DTNA: variants seen among roughly 807,000 people sequenced by gnomAD.
The protein encoded by DTNA is dystrophin-related protein 3.
Under a neutral mutation model 100.7 loss-of-function variants are expected in DTNA, and 43 were observed. The observed-to-expected ratio is 0.43, with a 90% CI of 0.33 to 0.55. The LOEUF (loss-of-function observed/expected upper bound fraction) is 0.55. DTNA is among the 20% of genes least tolerant of loss of function. The pLI is 0.04. For missense variants in DTNA, 798 were observed against 953.9 expected, an observed-to-expected ratio of 0.84 and a Z score of 2.15; for synonymous variants, 349 against 347.9, an observed-to-expected ratio of 1.00 and a Z score of -0.04.
chr18:34,592,623 C>T (rs770257430), intron 1 of DTNA, among the ~76,000 whole-genome samples: 1 of 151,734 alleles, frequency 6.6e-6, no homozygotes, highest in African/African-American at 2.4e-5. Context: ...AGTTTTTCCA[C>T]AATTCTTACA....
intron 15 of DTNA, among the ~76,000 whole-genome samples, chr18:34,855,488 C>G (rs1440919084): frequency 6.6e-6 from 1 of 152,226 alleles, no homozygotes; most frequent in Non-Finnish European, 1.5e-5. Context: ...TTACAAGATT[C>G]TATTACTCAT....
chr18:34,679,792 TTTTG>T (rs1438521925), intron 1 of DTNA, among the ~76,000 whole-genome samples: 1 of 152,142 alleles, frequency 6.6e-6, no homozygotes, highest in Non-Finnish European at 1.5e-5. Context: ...CTTACCGTCT[TTTTG>T]TTTATTTATT....
chr18:34,736,997 A>G (rs1488170185), intron 1 of DTNA, among the ~76,000 whole-genome samples: 1 of 152,236 alleles, frequency 6.6e-6, no homozygotes, highest in African/African-American at 2.4e-5. Context: ...TGGCTTGGGA[A>G]GAATGGGCTT....
chr18:34,829,498 C>A lies in DTNA; in HGVS notation c.1175+9C>A. The A allele has an allele frequency of 6.6e-7, 1 of 1,508,208 alleles. No homozygotes were observed. Among genetic ancestry groups the A allele is most frequent in the Admixed American group, 2.0e-5 (1 of 49,248 alleles). 93.4% of individuals were successfully genotyped at this position (1,508,208 alleles called of 1,614,324 possible). On this transcript the variant is annotated intron_variant, in intron 11 of 22. Transcript: ENST00000444659. ...CTTGATCACGGTGCACGGTCAGTAT[C>A]CCAGCCCTGAATTGCTAATCGTAGT...
intron 3 of DTNA, among the ~76,000 whole-genome samples, chr18:34,781,464 A>T (rs1275847955): frequency 6.6e-6 from 1 of 152,184 alleles, no homozygotes; most frequent in African/African-American, 2.4e-5. Flanking sequence ...CATGCTGTGC[A>T]ATAGATCACT....
At chr18:34,552,889 A>T (rs1233420631) in intron 1 of DTNA, among the ~76,000 whole-genome samples, 1 of 142,722 alleles carries the variant, frequency 7.0e-6, no homozygotes, top group African/African-American at 2.8e-5. Flanking sequence ...TTGGGTATAT[A>T]CCCAGTAATG....
intron 1 of DTNA, among the ~76,000 whole-genome samples, chr18:34,608,672 A>C (rs543270929): frequency 2.6e-4 from 40 of 152,272 alleles, no homozygotes; most frequent in African/African-American, 8.4e-4. Flanking sequence ...AAAAAAGTTT[A>C]TCCATCTCTA....
At chr18:34,696,181 A>C (rs1317584398) in intron 1 of DTNA, among the ~76,000 whole-genome samples, 1 of 152,204 alleles carries the variant, frequency 6.6e-6, no homozygotes, top group East Asian at 1.9e-4. Context: ...CCCTGTCTTA[A>C]AGTGTGTTAC....
At chr18:34,551,479 G>T (rs1363032852) in intron 1 of DTNA, among the ~76,000 whole-genome samples, 3 of 152,070 alleles carry the variant, frequency 2.0e-5, no homozygotes, top group Non-Finnish European at 4.4e-5. Flanking sequence ...CTTTTTATTG[G>T]ATATTTTTTT....
intron 3 of DTNA, chr18:34,767,548 T>C (rs1022363988): frequency 1.3e-5 from 2 of 152,260 alleles, no homozygotes; most frequent in African/African-American, 2.4e-5. Flanking sequence ...CTTACAGTTA[T>C]GGTGGTTCAG....
At chr18:34,636,732 T>C (rs2058709278) in intron 1 of DTNA, among the ~76,000 whole-genome samples, 1 of 152,182 alleles carries the variant, frequency 6.6e-6, no homozygotes, top group Non-Finnish European at 1.5e-5. Flanking sequence ...GAATGCTTCT[T>C]TCTAAGTTTG....
chr18:34,761,529 A>G (rs1212717831), intron 2 of DTNA, among the ~76,000 whole-genome samples: 1 of 152,188 alleles, frequency 6.6e-6, no homozygotes, highest in East Asian at 1.9e-4. Context: ...AAGTAGGGAC[A>G]GAGGGAGAAG....
chr18:34,678,740 C>T (rs1223204342), intron 1 of DTNA, among the ~76,000 whole-genome samples: 1 of 152,032 alleles, frequency 6.6e-6, no homozygotes, highest in Non-Finnish European at 1.5e-5. Context: ...GGATCTTGGG[C>T]ATTGGGGCGG....
chr18:34,758,693 A>C (rs750499872), intron 2 of DTNA, among the ~76,000 whole-genome samples: 1 of 152,226 alleles, frequency 6.6e-6, no homozygotes, highest in South Asian at 2.1e-4. Flanking sequence ...TAAACTTGGC[A>C]AGATATTTAC....
chr18:34,644,108 G>A (rs2059583790), intron 1 of DTNA, among the ~76,000 whole-genome samples: 1 of 152,052 alleles, frequency 6.6e-6, no homozygotes, highest in Admixed American at 6.6e-5. Flanking sequence ...TCTCTTTTGA[G>A]TAAGTAGTTT....
At chr18:34,759,569 A>G (rs920202547) in intron 2 of DTNA, among the ~76,000 whole-genome samples, 1 of 152,238 alleles carries the variant, frequency 6.6e-6, no homozygotes, top group African/African-American at 2.4e-5. Context: ...CTAACAAGGT[A>G]AGGAAGGTCC....
chr18:34,498,501 A>G (rs1264341756), intron 1 of DTNA, among the ~76,000 whole-genome samples: 1 of 150,384 alleles, frequency 6.6e-6, no homozygotes, highest in East Asian at 1.9e-4. Context: ...CCTAAAAATG[A>G]TTTATTCCTC....
At chr18:34,656,001 G>C (rs62097194) in intron 1 of DTNA, among the ~76,000 whole-genome samples, 1 of 152,174 alleles carries the variant, frequency 6.6e-6, no homozygotes, top group Non-Finnish European at 1.5e-5. Context: ...TTACACACAC[G>C]TGTGCACACT....
At chr18:34,761,717 T>C (rs779575979) in intron 2 of DTNA, among the ~76,000 whole-genome samples, 5 of 152,234 alleles carry the variant, frequency 3.3e-5, no homozygotes, top group African/African-American at 4.8e-5. Context: ...AAATTTGTTT[T>C]AGTTTTTTTA....
Sources: gnomAD v4.1 joint callset for allele counts (sites outside exome capture counted in the v4.1 genomes callset) on GRCh38, gnomAD v4.1.1 for gene constraint, MANE v1.5 for transcripts, NCBI Gene and HGNC (gene_info 2026-07-23, HGNC 2026-07-21) for gene names.